Variants in MARCHF10 observed in about 807,000 individuals in gnomAD.
MARCHF10 encodes the protein probable E3 ubiquitin-protein ligase MARCHF10.
Under a neutral mutation model 76.2 loss-of-function variants are expected in MARCHF10, and 64 were observed. That is an observed-to-expected ratio of 0.84 (90% CI 0.69 to 1.03). The LOEUF (loss-of-function observed/expected upper bound fraction) is 1.03. Ranked by LOEUF, MARCHF10 falls within the 50% of genes least tolerant of loss-of-function variation. The probability of loss-of-function intolerance (pLI) is 0.00; values close to 1 mark genes in which losing one functional copy is unlikely to be tolerated. For missense variants in MARCHF10, 875 were observed against 958.0 expected (o/e 0.91, Z 1.14); for synonymous variants, 340 against 357.5 (o/e 0.95, Z 0.55).
chr17:62,778,541 G>A (rs868165426), intron 3 of MARCHF10, among the ~76,000 whole-genome samples: 2 of 152,052 alleles, frequency 1.3e-5, no homozygotes, highest in African/African-American at 4.8e-5. Context: ...GACCAGCCTG[G>A]CTAATATGGT....
intron 4 of MARCHF10, among the ~76,000 whole-genome samples, chr17:62,747,503 T>C (rs180903306): frequency 2.4e-4 from 37 of 152,346 alleles, no homozygotes; most frequent in Non-Finnish European, 3.8e-4. Context: ...CTCTGACCTT[T>C]GGCAACTTTA....
At chr17:62,793,978 C>G (rs1158500456) in intron 2 of MARCHF10, among the ~76,000 whole-genome samples, 1 of 150,966 alleles carries the variant, frequency 6.6e-6, no homozygotes, top group Non-Finnish European at 1.5e-5. Flanking sequence ...CCACCACTTC[C>G]ATCACCACCA....
At chr17:62,773,917 A>G (rs2092496068) in intron 3 of MARCHF10, among the ~76,000 whole-genome samples, 1 of 152,216 alleles carries the variant, frequency 6.6e-6, no homozygotes, top group Non-Finnish European at 1.5e-5. Flanking sequence ...TGGCCTGGAT[A>G]TGAGGCAGAA....
chr17:62,805,720 T>C (rs2093152091), intron 1 of MARCHF10, among the ~76,000 whole-genome samples: 1 of 152,132 alleles, frequency 6.6e-6, no homozygotes, highest in Non-Finnish European at 1.5e-5. Flanking sequence ...GAGATCGGCC[T>C]GGCCAACGTG....
At chr17:62,724,571 G>A (rs1466548143) in intron 7 of MARCHF10, among the ~76,000 whole-genome samples, 1 of 152,120 alleles carries the variant, frequency 6.6e-6, no homozygotes, top group Admixed American at 6.5e-5. Context: ...CACGGCTACT[G>A]TGTGTCTGCT....
rs768475614 is a variant in MARCHF10, at chr17:62,736,574, C to T, written c.1294G>A (p.Gly432Ser). 1.2e-6 allele frequency: 2 copies of T among 1,614,150 alleles called. No homozygotes were observed. The highest frequency in any genetic ancestry group is 8.5e-7 in the Non-Finnish European group (1 of 1,180,040). Residue 432 changes from glycine to serine, a missense_variant, in exon 6 of 11, where the codon GGC becomes AGC. By Grantham distance (56) the Gly-to-Ser change is moderately conservative. Transcript: ENST00000311269. ...CAGTATCCTTCAGAATCATGGGTGC[C>T]AGGCCTATGTTCCACAGAAATACAA... is the stretch of plus-strand genomic sequence containing the variant. ...SDCISVEHRPGTHDSEGYWKD... is the reference protein window; with the variant it reads ...SDCISVEHRPSTHDSEGYWKD...
In MARCHF10 at chr17:62,801,568, T is replaced by C; in HGVS notation, c.90+78A>G. 8 of 1,247,946 alleles carry C rather than the reference T, an allele frequency of 6.4e-6. No individual in the cohort carries two copies. The South Asian group carries it at 9.5e-5, about 15-fold the overall frequency. The allele number at this position is 1,247,946 out of a possible 1,614,324, so 77.3% of individuals were successfully genotyped here. ...TTTAGAAAACTTTTACTGCTTATCA[T>C]ACGTTGATGCTGTATTCTGAATTCT... On this transcript the variant is annotated intron_variant, in intron 2 of 10. Coordinates refer to ENST00000311269, the MANE Select transcript of MARCHF10 (RefSeq NM_152598.4).
At chr17:62,788,324 G>A (rs1266181154) in intron 3 of MARCHF10, among the ~76,000 whole-genome samples, 156 bp downstream of exon 3, 1 of 152,150 alleles carries the variant, frequency 6.6e-6, no homozygotes, top group Non-Finnish European at 1.5e-5. Flanking sequence ...CCAGCCCTAG[G>A]CTCCTTCCTG....
At chr17:62,758,335 C>T (rs1449844512) in intron 4 of MARCHF10, among the ~76,000 whole-genome samples, 2 of 152,024 alleles carry the variant, frequency 1.3e-5, no homozygotes, top group South Asian at 2.1e-4. Flanking sequence ...GGCAACAGAG[C>T]GAGACTCTGT....
chr17:62,786,332 T>C (rs2092745574), intron 3 of MARCHF10, among the ~76,000 whole-genome samples: 1 of 129,982 alleles, frequency 7.7e-6, no homozygotes. Context: ...AATTGAACAA[T>C]GAGAACACAT....
chr17:62,705,311 C>A lies in MARCHF10; in HGVS notation c.2371+228G>T, dbSNP rs1416909995. On this transcript the variant is annotated intron_variant, in intron 10 of 10. Transcript: ENST00000311269. ...ACCTCTTCCCTTTGTTGGCGCCTTT[C>A]CTTGCGTTCAGGATGAATTAAAATT... 12 of 1,459,458 alleles carry A rather than the reference C, an allele frequency of 8.2e-6. No homozygotes were observed. The African/African-American group carries it at 1.7e-4, about 21-fold the overall frequency. The allele number at this position is 1,459,458 out of a possible 1,614,324, so 90.4% of individuals were successfully genotyped here. A position where few individuals can be genotyped will look rare whatever the true frequency, so the allele number is the denominator to read the frequency against.
chr17:62,790,513 T>C lies in MARCHF10; in HGVS notation c.91-1914A>G, dbSNP rs115570802. The stretch of plus-strand genomic sequence containing the variant: ...TTTGGAATGTTTCTATACTTGCAGA[T>C]CCAGTAGCCCAATTCAACTTTGCCT... On this transcript the variant is annotated intron_variant, in intron 2 of 10. Transcript: ENST00000311269. Among the ~76,000 whole-genome samples the C allele has an allele frequency of 5.6e-3, 857 of 152,284 alleles. 6 individuals carry two copies. Among genetic ancestry groups the C allele is most frequent in the African/African-American group, 0.02 (815 of 41,578 alleles).
In MARCHF10 at chr17:62,792,810, A is replaced by ACTACCC. The variant is rs1328501389; in HGVS notation, c.91-4212_91-4211insGGGTAG. 2.6e-4 allele frequency among the ~76,000 whole-genome samples: 33 copies of ACTACCC among 125,360 alleles called. 3 individuals carry two copies. The highest frequency in any genetic ancestry group is 1.0e-3 in the African/African-American group (31 of 30,660). The allele number at this position is 125,360 out of a possible 152,430, so 82.2% of individuals were successfully genotyped here. A position where few individuals can be genotyped will look rare whatever the true frequency, so the allele number is the denominator to read the frequency against. On this transcript the variant is annotated intron_variant, in intron 2 of 10. Transcript: ENST00000311269. ...CTCCATCACCACCACCACCTCCATC[A>ACTACCC]CCACCACCACCACCTCCACTGCCAC... is the stretch of plus-strand genomic sequence containing the variant.
intron 7 of MARCHF10, among the ~76,000 whole-genome samples, chr17:62,724,070 G>A (rs2090629814): frequency 6.6e-6 from 1 of 152,150 alleles, no homozygotes; most frequent in Admixed American, 6.5e-5. Flanking sequence ...AGAAGGATAT[G>A]GAAGACGGGG....
intron 5 of MARCHF10, among the ~76,000 whole-genome samples, chr17:62,742,093 C>T (rs1378956634): frequency 6.1e-5 from 9 of 147,438 alleles, no homozygotes; most frequent in African/African-American, 2.3e-4. Flanking sequence ...GATCTTGGCT[C>T]ACTGCAACCT....
chr17:62,718,157 G>A (rs1422122981), intron 8 of MARCHF10, among the ~76,000 whole-genome samples: 6 of 152,166 alleles, frequency 3.9e-5, no homozygotes, highest in Non-Finnish European at 7.3e-5. Context: ...TGTGAGGTGT[G>A]AGTTAACATC....
chr17:62,736,441 A>T lies in MARCHF10; in HGVS notation c.1427T>A (p.Phe476Tyr). 1 of 1,614,188 alleles carries T rather than the reference A, an allele frequency of 6.2e-7. No homozygotes were observed. The highest frequency in any genetic ancestry group is 8.5e-7 in the Non-Finnish European group (1 of 1,180,032). The part of the protein sequence containing the change: ...VNSSYNPPAS[F>Y]MHSALRDDIP... ...ATCATCTCTCAGAGCAGAATGCATG[A>T]ATGATGCAGGAGGGTTATAGGATGA... The change falls in exon 6 of 11, where the codon TTC (phenylalanine) becomes TAC (tyrosine). Residue 476 changes from phenylalanine to tyrosine, a missense_variant. Phe to Tyr is a conservative substitution (Grantham distance 22). Transcript: ENST00000311269.
intron 10 of MARCHF10, among the ~76,000 whole-genome samples, chr17:62,702,508 T>A (rs1360740465): frequency 6.6e-6 from 1 of 151,546 alleles, no homozygotes; most frequent in African/African-American, 2.4e-5. Flanking sequence ...CTACTTAAAA[T>A]ACAAAAAATT....
At position 62,711,133 on chromosome 17, in the gene MARCHF10, G is replaced by A; in HGVS notation, c.2328+98C>T. On this transcript the variant is annotated intron_variant, in intron 9 of 10. Transcript: ENST00000311269. The surrounding 1 kb of genome is among the most constrained non-coding windows in gnomAD (Gnocchi z 4.4). ...CAATGATAGTCCCATATCCTCCCAAGCGACCGTGAGGACCTCAACAGCTTG... is the reference window on the plus strand; with the variant it reads ...CAATGATAGTCCCATATCCTCCCAAACGACCGTGAGGACCTCAACAGCTTG... 1 of 920,860 alleles carries A rather than the reference G, an allele frequency of 1.1e-6. No individual in the cohort carries two copies. Among genetic ancestry groups the A allele is most frequent in the African/African-American group, 1.6e-5 (1 of 61,364 alleles). The allele number at this position is 920,860 out of a possible 1,614,324, so 57.0% of individuals were successfully genotyped here.
Sources: allele counts gnomAD v4.1 joint callset (sites outside exome capture counted in the v4.1 genomes callset), GRCh38; gene constraint gnomAD v4.1.1; non-coding constraint Gnocchi (gnomAD v3.1); transcripts MANE v1.5; gene names NCBI Gene and HGNC (gene_info 2026-07-23, HGNC 2026-07-21).